The following WWOX variants were observed in gnomAD, a reference collection of about 807,000 sequenced individuals.
WWOX encodes the protein WW domain-containing oxidoreductase.
Under a neutral mutation model 46.2 loss-of-function variants are expected in WWOX, and 69 were observed. The observed-to-expected ratio is 1.49, with a 90% CI of 1.23 to 1.82. The LOEUF (loss-of-function observed/expected upper bound fraction) is 1.82, where lower values mean the gene tolerates loss of function less well. Among genes scored for constraint, WWOX ranks in the 40% most tolerant of loss-of-function variants. The pLI is 0.00. For synonymous variants in WWOX, 359 were observed against 202.6 expected (o/e 1.77, Z -6.56); for missense variants, 919 against 542.6 (o/e 1.69, Z -6.89).
chr16:78,778,078 T>G (rs978662020), intron 8 of WWOX, among the ~76,000 whole-genome samples: 2 of 151,220 alleles, frequency 1.3e-5, no homozygotes, highest in African/African-American at 4.9e-5. Flanking sequence ...ATTTACATTT[T>G]ATCTTTACTG....
intron 8 of WWOX, among the ~76,000 whole-genome samples, chr16:78,956,044 C>T (rs1050275165): frequency 1.3e-5 from 2 of 151,838 alleles, no homozygotes; most frequent in Non-Finnish European, 1.5e-5. Context: ...AGTTGGGGAG[C>T]CAAAATTGAG....
chr16:78,856,930 G>A (rs770241467), intron 8 of WWOX, among the ~76,000 whole-genome samples: 1 of 152,198 alleles, frequency 6.6e-6, no homozygotes, highest in Non-Finnish European at 1.5e-5. Context: ...AGGCTAGGTA[G>A]AGCATATTGC....
intron 8 of WWOX, among the ~76,000 whole-genome samples, chr16:78,588,259 G>T (rs1403309361): frequency 6.6e-6 from 1 of 152,226 alleles, no homozygotes; most frequent in African/African-American, 2.4e-5. Context: ...GGTTCTTGCA[G>T]TTGGCAAACA....
chr16:78,394,932 A>G (rs1234976530), intron 6 of WWOX, among the ~76,000 whole-genome samples: 1 of 152,122 alleles, frequency 6.6e-6, no homozygotes, highest in African/African-American at 2.4e-5. Flanking sequence ...AACTACTGAA[A>G]ATCTCTCAGC....
At chr16:78,752,009 A>AAGG (rs376935024) in intron 8 of WWOX, among the ~76,000 whole-genome samples, 4 of 8,122 alleles carry the variant, frequency 4.9e-4, no homozygotes, top group African/African-American at 2.1e-3. Flanking sequence ...TTCTTTAAAT[A>AAGG]AGGAGGAGGA....
intron 5 of WWOX, chr16:78,167,245 C>T (rs957296931): frequency 7.9e-5 from 12 of 152,178 alleles, no homozygotes; most frequent in African/African-American, 2.9e-4. Flanking sequence ...CCCCAATTAG[C>T]GATGAGACCT....
At chr16:78,727,608 C>T (rs1346522872) in intron 8 of WWOX, among the ~76,000 whole-genome samples, 2 of 152,182 alleles carry the variant, frequency 1.3e-5, no homozygotes, top group African/African-American at 2.4e-5. Flanking sequence ...GTTCATGAAA[C>T]ATTCCCTTCG....
intron 8 of WWOX, among the ~76,000 whole-genome samples, chr16:78,519,125 G>T (rs151083186): frequency 7.3e-4 from 111 of 152,306 alleles, no homozygotes; most frequent in South Asian, 4.1e-3. Flanking sequence ...TCTATTAGCT[G>T]TGTGGCTTTT....
intron 4 of WWOX, among the ~76,000 whole-genome samples, chr16:78,133,215 C>T (rs950170930): frequency 5.3e-5 from 8 of 152,116 alleles, no homozygotes; most frequent in East Asian, 3.9e-4. Flanking sequence ...ACCTTATCCG[C>T]GTGTTATGTT....
At chr16:78,560,858 A>T (rs1339141849) in intron 8 of WWOX, among the ~76,000 whole-genome samples, 3 of 151,656 alleles carry the variant, frequency 2.0e-5, no homozygotes, top group Non-Finnish European at 2.9e-5. Context: ...ATGCTGCAGA[A>T]TTTTTTTTTC....
At chr16:79,208,896 C>G (rs1006282298) in intron 8 of WWOX, among the ~76,000 whole-genome samples, 1 of 152,198 alleles carries the variant, frequency 6.6e-6, no homozygotes, top group Non-Finnish European at 1.5e-5. Context: ...GATATTGTTA[C>G]TGCTTAATTG....
At chr16:78,909,197 C>T (rs908278192) in intron 8 of WWOX, among the ~76,000 whole-genome samples, 1 of 152,188 alleles carries the variant, frequency 6.6e-6, no homozygotes, top group African/African-American at 2.4e-5. Context: ...ATAATTTTTG[C>T]AAAGGCTGTT....
intron 8 of WWOX, among the ~76,000 whole-genome samples, chr16:78,664,999 C>T (rs945903351): frequency 1.3e-5 from 2 of 152,172 alleles, no homozygotes; most frequent in Admixed American, 6.5e-5. Context: ...AAAGAACTGA[C>T]GTTTTCTGTG....
intron 8 of WWOX, among the ~76,000 whole-genome samples, chr16:78,561,326 A>G (rs1460875678): frequency 4.6e-5 from 7 of 152,004 alleles, no homozygotes; most frequent in African/African-American, 1.5e-4. Flanking sequence ...TCTCTCATGC[A>G]TGTAGTTCCC....
chr16:78,696,689 G>A (rs2048106979), intron 8 of WWOX, among the ~76,000 whole-genome samples: 1 of 152,046 alleles, frequency 6.6e-6, no homozygotes, highest in Admixed American at 6.6e-5. Flanking sequence ...CTGTTTTGGG[G>A]GGGGTACAGG....
In WWOX at chr16:78,144,820, C is replaced by A. The variant is rs1051986227; in HGVS notation, c.410-19363C>A. Reference sequence around the variant, plus strand: ...ACAGGCGTGAGCCACCGTGCCTGGCCTGCCGTTACTTTTAATGGCAAAGAT... The same window carrying A: ...ACAGGCGTGAGCCACCGTGCCTGGCATGCCGTTACTTTTAATGGCAAAGAT... On this transcript the variant is annotated intron_variant, in intron 4 of 8. Transcript: ENST00000566780. Among the ~76,000 whole-genome samples, 4 of 151,962 alleles carry A rather than the reference C, an allele frequency of 2.6e-5. No homozygotes were observed. In the South Asian group the frequency reaches 8.3e-4, roughly 32 times the overall value.
At chr16:78,470,026 TAGA>T (rs1178232991) in intron 8 of WWOX, among the ~76,000 whole-genome samples, 1 of 152,228 alleles carries the variant, frequency 6.6e-6, no homozygotes, top group Non-Finnish European at 1.5e-5. Context: ...TCAAAGATAG[TAGA>T]AGTTTATTTC....
At chr16:79,130,045 T>A (rs1355826983) in intron 8 of WWOX, among the ~76,000 whole-genome samples, 3 of 152,264 alleles carry the variant, frequency 2.0e-5, no homozygotes, top group African/African-American at 7.2e-5. Flanking sequence ...TTTTCATTAA[T>A]TAATGGGTGT....
At chr16:78,472,353 A>AT (rs1424691633) in intron 8 of WWOX, among the ~76,000 whole-genome samples, 3 of 152,188 alleles carry the variant, frequency 2.0e-5, no homozygotes, top group African/African-American at 7.2e-5. Context: ...GCCCTTGTTC[A>AT]TTTTTAAATA....
Sources: gnomAD v4.1 joint callset for allele counts (sites outside exome capture counted in the v4.1 genomes callset) on GRCh38, gnomAD v4.1.1 for gene constraint, MANE v1.5 for transcripts, NCBI Gene and HGNC (gene_info 2026-07-23, HGNC 2026-07-21) for gene names.